The following GRID1 variants were observed in gnomAD, a reference collection of about 807,000 sequenced individuals.
GRID1 encodes glutamate ionotropic receptor delta type subunit 1, also known as glutamate receptor ionotropic, delta-1.
Under a neutral mutation model 98.0 loss-of-function variants are expected in GRID1, and 28 were observed. The ratio of observed to expected loss-of-function variants is 0.29; its 90% CI spans 0.21 to 0.39. The LOEUF (loss-of-function observed/expected upper bound fraction) is 0.39. Ranked by LOEUF, GRID1 falls within the 10% of genes least tolerant of loss-of-function variation. The pLI is 1.00. For missense variants in GRID1, 1,111 were observed against 1,340.5 expected (o/e 0.83, Z 2.67); for synonymous variants, 553 against 538.5 (o/e 1.03, Z -0.37).
intron 4 of GRID1, among the ~76,000 whole-genome samples, chr10:86,019,205 C>G (rs1227110615): frequency 6.6e-6 from 1 of 152,252 alleles, no homozygotes; most frequent in African/African-American, 2.4e-5. Flanking sequence ...AGTTTGGCAT[C>G]TGCACCACAG....
intron 8 of GRID1, among the ~76,000 whole-genome samples, chr10:85,791,293 T>C (rs1307593271): frequency 1.3e-5 from 2 of 152,222 alleles, no homozygotes. Flanking sequence ...CATGGCGAGA[T>C]GGAGCACAGG....
chr10:86,191,799 CCA>C (rs1360201615), intron 3 of GRID1, among the ~76,000 whole-genome samples: 2 of 152,156 alleles, frequency 1.3e-5, no homozygotes, highest in African/African-American at 2.4e-5. Flanking sequence ...TGCTTCCACT[CCA>C]CCTGTCCTCA....
intron 4 of GRID1, among the ~76,000 whole-genome samples, chr10:85,955,512 G>A (rs944818544): frequency 3.3e-5 from 5 of 152,160 alleles, no homozygotes; most frequent in African/African-American, 1.2e-4. Context: ...AGCAGAAACA[G>A]CAGGACCTGA....
At chr10:85,969,350 A>G (rs767098751) in intron 4 of GRID1, among the ~76,000 whole-genome samples, 43 of 152,318 alleles carry the variant, frequency 2.8e-4, no homozygotes, top group Middle Eastern at 3.4e-3. Flanking sequence ...GATTTAACAG[A>G]TATCTATGGA....
At position 86,206,281 on chromosome 10, in the gene GRID1, A is replaced by T; in HGVS notation, c.520+83T>A. On this transcript the variant is annotated intron_variant, in intron 3 of 15. Coordinates refer to ENST00000327946, the MANE Select transcript of GRID1 (RefSeq NM_017551.3). The surrounding 1 kb of genome is among the most constrained non-coding windows in gnomAD (Gnocchi z 4.1). ...AGCACAGACCACCCCTGACCGGTCC[A>T]GGGCCCCACCCACTCTCAGGTCTCC... The T allele has an allele frequency of 2.9e-6, 4 of 1,390,892 alleles. No individual in the cohort carries two copies. Among genetic ancestry groups the T allele is most frequent in the Non-Finnish European group, 3.9e-6 (4 of 1,016,136 alleles). 86.2% of individuals were successfully genotyped at this position (1,390,892 alleles called of 1,614,324 possible).
intron 4 of GRID1, among the ~76,000 whole-genome samples, chr10:86,034,588 A>G (rs61856048): frequency 0.055 from 8,396 of 151,976 alleles, 287 homozygotes; most frequent in Middle Eastern, 0.082. Context: ...CCGCAATACC[A>G]CACTGCTTCC....
intron 8 of GRID1, among the ~76,000 whole-genome samples, chr10:85,742,413 T>C (rs1841953430): frequency 6.6e-6 from 1 of 152,186 alleles, no homozygotes; most frequent in South Asian, 2.1e-4. Context: ...CATAGTTCGT[T>C]AATTCCTGAA....
intron 2 of GRID1, among the ~76,000 whole-genome samples, chr10:86,271,840 G>A (rs2132061866): frequency 6.6e-6 from 1 of 152,292 alleles, no homozygotes; most frequent in East Asian, 1.9e-4. Flanking sequence ...GGGGAGGAGA[G>A]TGGGAGGAAA....
chr10:86,108,568 G>A (rs1844428854), intron 4 of GRID1, among the ~76,000 whole-genome samples: 1 of 152,114 alleles, frequency 6.6e-6, no homozygotes, highest in Admixed American at 6.5e-5. Flanking sequence ...TCCAGAAGGA[G>A]CTCCATCTCC....
chr10:86,069,303 G>A (rs1843764054), intron 4 of GRID1, among the ~76,000 whole-genome samples: 1 of 152,162 alleles, frequency 6.6e-6, no homozygotes, highest in East Asian at 1.9e-4. Flanking sequence ...TGGGGACCAG[G>A]GGATGGAGCT....
intron 4 of GRID1, among the ~76,000 whole-genome samples, chr10:86,128,662 C>T (rs1033508199): frequency 2.6e-5 from 4 of 152,182 alleles, no homozygotes; most frequent in Non-Finnish European, 5.9e-5. Flanking sequence ...CTAGGTCCAC[C>T]GACCTAGCAG....
chr10:86,330,915 CCA>C (rs1848131555), intron 2 of GRID1, among the ~76,000 whole-genome samples: 1 of 152,190 alleles, frequency 6.6e-6, no homozygotes, highest in African/African-American at 2.4e-5. Context: ...AGCTAGGGGA[CCA>C]CAGCAAGTTC....
intron 2 of GRID1, among the ~76,000 whole-genome samples, chr10:86,211,734 G>C (rs1179808931): frequency 6.6e-6 from 1 of 152,184 alleles, no homozygotes; most frequent in East Asian, 1.9e-4. Context: ...AGCACAGAGA[G>C]TGCTAGTTGC....
intron 4 of GRID1, among the ~76,000 whole-genome samples, chr10:86,015,105 C>T (rs1037024132): frequency 1.4e-4 from 22 of 152,308 alleles, no homozygotes; most frequent in African/African-American, 4.8e-4. Context: ...CTTATCATAA[C>T]ATACCATATA....
At chr10:86,130,240 G>A (rs1358917163) in intron 4 of GRID1, among the ~76,000 whole-genome samples, 1 of 152,124 alleles carries the variant, frequency 6.6e-6, no homozygotes, top group Non-Finnish European at 1.5e-5. Context: ...TCTCTCCAAG[G>A]GGACTGGCAG....
chr10:86,003,360 T>C (rs1842822826), intron 4 of GRID1, among the ~76,000 whole-genome samples: 1 of 152,214 alleles, frequency 6.6e-6, no homozygotes. Flanking sequence ...CAGCTGTTCA[T>C]CCAGATATAG....
At chr10:85,816,485 A>T (rs1215387689) in intron 8 of GRID1, among the ~76,000 whole-genome samples, 1 of 152,206 alleles carries the variant, frequency 6.6e-6, no homozygotes, top group African/African-American at 2.4e-5. Context: ...TATAGAGACA[A>T]AAATTTGACT....
At chr10:85,881,311 A>G (rs950465326) in intron 5 of GRID1, among the ~76,000 whole-genome samples, 1 of 152,124 alleles carries the variant, frequency 6.6e-6, no homozygotes, top group Admixed American at 6.6e-5. Context: ...AGCCCACATC[A>G]CCAAGTCAAG....
At chr10:85,717,678 C>A (rs1450992709) in intron 12 of GRID1, among the ~76,000 whole-genome samples, 2 of 152,144 alleles carry the variant, frequency 1.3e-5, no homozygotes, top group Non-Finnish European at 2.9e-5. Context: ...CATGCCTTCC[C>A]AACAATCCTC....
Sources: allele counts gnomAD v4.1 joint callset (sites outside exome capture counted in the v4.1 genomes callset), GRCh38; gene constraint gnomAD v4.1.1; non-coding constraint Gnocchi (gnomAD v3.1); transcripts MANE v1.5; gene names NCBI Gene and HGNC (gene_info 2026-07-23, HGNC 2026-07-21).